The following C12orf56 variants were observed in gnomAD, a reference collection of about 807,000 sequenced individuals.
C12orf56 encodes the protein chromosome 12 open reading frame 56, also known as uncharacterized protein C12orf56.
C12orf56 carries 71 observed loss-of-function variants against 69.9 expected under a neutral mutation model. The observed-to-expected ratio is 1.02, with a 90% CI of 0.84 to 1.24. The LOEUF (loss-of-function observed/expected upper bound fraction) is 1.24, where lower values mean the gene tolerates loss of function less well. C12orf56 is among the 50% of genes most tolerant of loss of function. The probability of loss-of-function intolerance (pLI) is 0.00; values close to 1 mark genes in which losing one functional copy is unlikely to be tolerated. For missense variants in C12orf56, 732 were observed against 738.5 expected (o/e 0.99, Z 0.10); for synonymous variants, 276 against 274.1 (o/e 1.01, Z -0.07).
intron 5 of C12orf56, among the ~76,000 whole-genome samples, chr12:64,310,972 GGTT>G (rs2038603602): frequency 1.3e-5 from 2 of 151,224 alleles, no homozygotes; most frequent in Non-Finnish European, 2.9e-5. Context: ...TGTAGTGTTT[GGTT>G]TCTCGTCCCT....
chr12:64,358,887 G>C (rs2135958385), intron 1 of C12orf56, among the ~76,000 whole-genome samples: 1 of 152,210 alleles, frequency 6.6e-6, no homozygotes, highest in East Asian at 1.9e-4. Flanking sequence ...ATTCAACTTG[G>C]ACTTAAGTAA....
intron 1 of C12orf56, among the ~76,000 whole-genome samples, chr12:64,369,998 A>G (rs973102413): frequency 4.0e-5 from 6 of 151,024 alleles, no homozygotes; most frequent in Non-Finnish European, 8.9e-5. Flanking sequence ...AAAAAAAAAA[A>G]ATCAAGCTGA....
intron 2 of C12orf56, chr12:64,352,336 G>A (rs2039239816): frequency 6.6e-6 from 1 of 152,296 alleles, no homozygotes; most frequent in African/African-American, 2.4e-5. Context: ...GGAACCCTGA[G>A]ACAGGCCTCT....
At chr12:64,355,379 C>A (rs2135954392) in intron 1 of C12orf56, among the ~76,000 whole-genome samples, 1 of 152,174 alleles carries the variant, frequency 6.6e-6, no homozygotes, top group Non-Finnish European at 1.5e-5. Context: ...TACCTGAAAT[C>A]ACCACTCAAC....
intron 1 of C12orf56, among the ~76,000 whole-genome samples, chr12:64,356,170 C>CAAAAAAAAAAAAAAAAAA (rs761289428): frequency 4.1e-5 from 2 of 48,432 alleles, no homozygotes. Flanking sequence ...GACTCCATCT[C>CAAAAAAAAAAAAAAAAAA]AAAAAAAAAA....
intron 4 of C12orf56, among the ~76,000 whole-genome samples, chr12:64,315,489 C>T (rs2038680623): frequency 6.6e-6 from 1 of 152,070 alleles, no homozygotes; most frequent in African/African-American, 2.4e-5. Context: ...AAACAACCTA[C>T]GTGTAACTAT....
intron 5 of C12orf56, among the ~76,000 whole-genome samples, chr12:64,306,639 G>T (rs928097307): frequency 6.6e-6 from 1 of 152,078 alleles, no homozygotes; most frequent in Non-Finnish European, 1.5e-5. Flanking sequence ...AAAGTGCTGA[G>T]ATTACAGGCG....
intron 2 of C12orf56, among the ~76,000 whole-genome samples, chr12:64,339,363 T>C (rs1045797163): frequency 4.6e-5 from 7 of 152,102 alleles, no homozygotes; most frequent in Admixed American, 4.6e-4. Flanking sequence ...AAGTGCTTCA[T>C]TTCCTATTAC....
chr12:64,278,389 C>T (rs1187789309), intron 8 of C12orf56, among the ~76,000 whole-genome samples: 1 of 152,026 alleles, frequency 6.6e-6, no homozygotes, highest in East Asian at 1.9e-4. Flanking sequence ...AACTACTGGA[C>T]TCAAGTGATC....
intron 8 of C12orf56, among the ~76,000 whole-genome samples, chr12:64,281,863 T>C (rs983017736): frequency 1.3e-5 from 2 of 151,940 alleles, no homozygotes; most frequent in Admixed American, 1.3e-4. Context: ...GAAAACCCCA[T>C]AAAAACAATA....
Position 64,334,232 on chromosome 12 carries a change from A to C in C12orf56, c.416-3200T>G, listed in dbSNP as rs1459051296. On this transcript the variant is annotated intron_variant, in intron 2 of 12. Transcript: ENST00000543942. ...CTGTGGGGAAGATGGTCAGGCTTCCATATGTAAAAACTATCCATGAAACCT... is the reference window on the plus strand; with the variant it reads ...CTGTGGGGAAGATGGTCAGGCTTCCCTATGTAAAAACTATCCATGAAACCT... 6.6e-5 allele frequency among the ~76,000 whole-genome samples: 10 copies of C among 152,376 alleles called. No homozygotes were observed. In the South Asian group the frequency reaches 2.1e-3, roughly 32 times the overall value.
intron 3 of C12orf56, among the ~76,000 whole-genome samples, 196 bp downstream of exon 3, chr12:64,330,764 A>G (rs537007809): frequency 1.8e-3 from 273 of 152,364 alleles, no homozygotes; most frequent in Non-Finnish European, 2.9e-3. Context: ...ATAGAAAATT[A>G]GAAAAACTAT....
rs374898623 is a variant in C12orf56 at position 64,390,457 on chromosome 12, C to T, written c.109G>A (p.Glu37Lys). The T allele has an allele frequency of 2.1e-5, 33 of 1,609,530 alleles. No homozygotes were observed. The highest frequency in any genetic ancestry group is 1.9e-4 in the South Asian group (17 of 91,086). The stretch of plus-strand genomic sequence containing the variant: ...GAGTTGGACACCACGATGCATGGCT[C>T]GTAGGCGCGGACCGCGTCGTAGACC... ...PEVYDAVRAYEPCIVVSNSEN... is the reference protein window; with the variant it reads ...PEVYDAVRAYKPCIVVSNSEN... The change falls in exon 1 of 13, where the codon GAG becomes AAG. Residue 37 changes from glutamate to lysine, a missense_variant. Glu to Lys is a moderately conservative substitution (Grantham distance 56). Coordinates refer to ENST00000543942, the MANE Select transcript of C12orf56 (RefSeq NM_001170633.2).
At chr12:64,349,930 A>G (rs1009032358) in intron 2 of C12orf56, among the ~76,000 whole-genome samples, 1 of 152,066 alleles carries the variant, frequency 6.6e-6, no homozygotes, top group Non-Finnish European at 1.5e-5. Context: ...TGTCTCTACT[A>G]AAAATACAAA....
At chr12:64,314,330 C>A (rs144961276) in intron 4 of C12orf56, among the ~76,000 whole-genome samples, 20 of 152,000 alleles carry the variant, frequency 1.3e-4, no homozygotes, top group Admixed American at 1.2e-3. Context: ...TGGCCTCAAG[C>A]GATCCTCCCC....
chr12:64,331,034 T>G lies in C12orf56; in HGVS notation c.416-2A>C. 1 of 1,506,742 alleles carries G rather than the reference T, an allele frequency of 6.6e-7. No individual in the cohort carries two copies. Among genetic ancestry groups the G allele is most frequent in the Non-Finnish European group, 8.9e-7 (1 of 1,129,228 alleles). 93.3% of individuals were successfully genotyped at this position (1,506,742 alleles called of 1,614,324 possible). A position where few individuals can be genotyped will look rare whatever the true frequency, so the allele number is the denominator to read the frequency against. On this transcript the variant is annotated splice_acceptor_variant, in intron 2 of 12. Coordinates refer to ENST00000543942, the MANE Select transcript of C12orf56 (RefSeq NM_001170633.2). LOFTEE classifies it high-confidence loss of function. ...CAAGGCCGTTCTTTTCTTCCTTGAC[T>G]TAAAAAAAAAATAGTTATTTGGTCA...
chr12:64,297,364 C>A (rs1361673111), intron 6 of C12orf56, among the ~76,000 whole-genome samples: 5 of 150,950 alleles, frequency 3.3e-5, no homozygotes, highest in African/African-American at 1.2e-4. Context: ...AGAGAGACCA[C>A]AAATAGAGAG....
chr12:64,352,988 A>G lies in C12orf56; in HGVS notation c.321T>C (p.Tyr107=). 6.2e-7 allele frequency: 1 copy of G among 1,613,254 alleles called. No homozygotes were observed. Among genetic ancestry groups the G allele is most frequent in the Non-Finnish European group, 8.5e-7 (1 of 1,179,716 alleles). ...REISQHIRII[Y]SSTVLKKECK... Reference sequence around the variant, plus strand: ...ACTCTTTTTTCAAAACGGTTGAAGAATAGATGATACGAATGTGTTGGCTGA... The same window carrying G: ...ACTCTTTTTTCAAAACGGTTGAAGAGTAGATGATACGAATGTGTTGGCTGA... Residue 107 remains tyrosine, a synonymous_variant, in exon 2 of 13, where the codon TAT becomes TAC. Transcript: ENST00000543942.
chr12:64,308,951 G>GAAAGAAA (rs1592439933), intron 5 of C12orf56, among the ~76,000 whole-genome samples: 9 of 90,350 alleles, frequency 1.0e-4, no homozygotes, highest in Middle Eastern at 5.2e-3. Flanking sequence ...AAGAAAGAAA[G>GAAAGAAA]AAAGAAAGAA....
Sources: gnomAD v4.1 joint callset for allele counts (sites outside exome capture counted in the v4.1 genomes callset) on GRCh38, gnomAD v4.1.1 for gene constraint, MANE v1.5 for transcripts, NCBI Gene and HGNC (gene_info 2026-07-23, HGNC 2026-07-21) for gene names.